AGMO: variants seen among roughly 807,000 people sequenced by gnomAD.
AGMO encodes the protein alkylglycerol monooxygenase, also known as glyceryl-ether monooxygenase.
In AGMO, 75 loss-of-function variants were observed where a neutral mutation model predicts 60.2. The observed-to-expected ratio is 1.25, with a 90% CI of 1.03 to 1.51. AGMO has a LOEUF of 1.51. Among genes scored for constraint, AGMO ranks in the 40% most tolerant of loss-of-function variants. The pLI, the probability that AGMO is intolerant of heterozygous loss-of-function variation, is 0.00. For missense variants in AGMO, 763 were observed against 525.5 expected (o/e 1.45, Z -4.42); for synonymous variants, 261 against 177.1 (o/e 1.47, Z -3.76).
the AGMO span, among the ~76,000 whole-genome samples, chr7:15,133,216 T>C: frequency 2.0e-5 from 3 of 152,086 alleles, no homozygotes; most frequent in Non-Finnish European, 4.4e-5. Context: ...TAGGAAATGA[T>C]TGACAAGCAG....
intron 12 of AGMO, among the ~76,000 whole-genome samples, chr7:15,225,560 C>A (rs1583306396): frequency 1.3e-5 from 2 of 151,868 alleles, no homozygotes; most frequent in Admixed American, 6.6e-5. Flanking sequence ...ACACCTACAT[C>A]AATCTTGGTA....
At chr7:15,228,078 A>G (rs1782144582) in intron 12 of AGMO, among the ~76,000 whole-genome samples, 1 of 152,106 alleles carries the variant, frequency 6.6e-6, no homozygotes, top group African/African-American at 2.4e-5. Context: ...AACTCTGCTT[A>G]TTTTAATTTC....
intron 12 of AGMO, among the ~76,000 whole-genome samples, chr7:15,359,420 G>A (rs76996235): frequency 0.1 from 15,439 of 151,796 alleles, 948 homozygotes; most frequent in Non-Finnish European, 0.12. Flanking sequence ...TATTACTGTA[G>A]TGAAAACATT....
At chr7:15,529,611 T>C (rs1376718267) in intron 3 of AGMO, among the ~76,000 whole-genome samples, 1 of 21,942 alleles carries the variant, frequency 4.6e-5, no homozygotes, top group Non-Finnish European at 7.7e-5. Flanking sequence ...ATATAGAGTA[T>C]ATATATAGAA....
At chr7:15,204,636 C>A (rs866879684) in intron 12 of AGMO, among the ~76,000 whole-genome samples, 1 of 152,158 alleles carries the variant, frequency 6.6e-6, no homozygotes, top group Non-Finnish European at 1.5e-5. Context: ...TGTGCTAACA[C>A]ATCATTAGTG....
intron 3 of AGMO, among the ~76,000 whole-genome samples, chr7:15,509,581 A>C (rs1010793864): frequency 2.0e-5 from 3 of 152,122 alleles, no homozygotes; most frequent in African/African-American, 7.2e-5. Flanking sequence ...AAAATAAACA[A>C]ATAGACTATA....
chr7:15,158,378 C>T, the AGMO span, among the ~76,000 whole-genome samples: 11 of 152,186 alleles, frequency 7.2e-5, no homozygotes, highest in Non-Finnish European at 1.5e-4. Flanking sequence ...CTATGAAAAA[C>T]AACCTTTACA....
At chr7:15,210,081 T>C (rs1781545440) in intron 12 of AGMO, among the ~76,000 whole-genome samples, 2 of 152,074 alleles carry the variant, frequency 1.3e-5, no homozygotes, top group African/African-American at 2.4e-5. Flanking sequence ...AAAAAACCTA[T>C]CAACTGCTGG....
At chr7:15,197,665 C>T (rs1781154243), downstream of AGMO, among the ~76,000 whole-genome samples, 1 of 152,198 alleles carries the variant, frequency 6.6e-6, no homozygotes, top group South Asian at 2.1e-4. Flanking sequence ...TATAAGTAAA[C>T]TTACGATGTT....
intron 12 of AGMO, among the ~76,000 whole-genome samples, chr7:15,341,212 A>G (rs1313090124): frequency 1.3e-5 from 2 of 152,086 alleles, no homozygotes; most frequent in Non-Finnish European, 2.9e-5. Flanking sequence ...CAGAAAATGG[A>G]TTTCTTTTCT....
chr7:15,342,978 G>A (rs1781913842), intron 12 of AGMO, among the ~76,000 whole-genome samples: 1 of 152,024 alleles, frequency 6.6e-6, no homozygotes, highest in Non-Finnish European at 1.5e-5. Context: ...ACTCTTGATA[G>A]TAGGTACTAG....
At chr7:15,545,032 A>C (rs1288290612) in intron 2 of AGMO, 109 bp from the exon 3 acceptor site, 2 of 779,092 alleles carry the variant, frequency 2.6e-6, no homozygotes, top group African/African-American at 1.8e-5. Context: ...AAAAAAATGA[A>C]ACTCTTTCTT....
intron 12 of AGMO, among the ~76,000 whole-genome samples, chr7:15,277,311 TAATA>T (rs35947599): frequency 0.22 from 32,516 of 144,744 alleles, 3,820 homozygotes; most frequent in African/African-American, 0.31. Flanking sequence ...TCTCAAAAAA[TAATA>T]AATAAATAAA....
chr7:15,488,873 G>A (rs1037931740), intron 3 of AGMO, among the ~76,000 whole-genome samples: 1 of 150,692 alleles, frequency 6.6e-6, no homozygotes, highest in African/African-American at 2.4e-5. Flanking sequence ...TATTTTCTTT[G>A]TTATGCTAAA....
chr7:15,178,129 T>TG, the AGMO span, among the ~76,000 whole-genome samples: 7 of 152,142 alleles, frequency 4.6e-5, no homozygotes. Flanking sequence ...ACTGCCCTTT[T>TG]GGGGGAGTGG....
At chr7:15,512,683 G>C (rs897078281) in intron 3 of AGMO, among the ~76,000 whole-genome samples, 2 of 152,056 alleles carry the variant, frequency 1.3e-5, no homozygotes, top group African/African-American at 4.8e-5. Flanking sequence ...TTACTATATG[G>C]ATTGGTATTC....
intron 5 of AGMO, among the ~76,000 whole-genome samples, chr7:15,415,934 G>A (rs1364178247): frequency 6.6e-6 from 1 of 151,160 alleles, no homozygotes; most frequent in Non-Finnish European, 1.5e-5. Flanking sequence ...AAAAAATTAA[G>A]CAACAGAGTA....
chr7:15,278,995 A>C (rs769389428), intron 12 of AGMO, among the ~76,000 whole-genome samples: 3 of 152,066 alleles, frequency 2.0e-5, no homozygotes, highest in Non-Finnish European at 4.4e-5. Flanking sequence ...GTTGTCTTTG[A>C]GTCACATGAA....
chr7:15,348,000 G>A (rs923111789), intron 12 of AGMO, among the ~76,000 whole-genome samples: 1 of 151,944 alleles, frequency 6.6e-6, no homozygotes, highest in African/African-American at 2.4e-5. Context: ...CTCAGCTCTT[G>A]ATCTCAAAGA....
Sources: gnomAD v4.1 joint callset for allele counts (sites outside exome capture counted in the v4.1 genomes callset) on GRCh38, gnomAD v4.1.1 for gene constraint, MANE v1.5 for transcripts, NCBI Gene and HGNC (gene_info 2026-07-23, HGNC 2026-07-21) for gene names.